The following LSAMP variants were observed in gnomAD, a reference collection of about 807,000 sequenced individuals.
LSAMP encodes limbic system-associated membrane protein.
LSAMP carries 7 observed loss-of-function variants against 38.6 expected under a neutral mutation model. The observed-to-expected ratio is 0.18, with a 90% confidence interval of 0.10 to 0.34. LSAMP has a LOEUF of 0.34. Among genes scored for constraint, LSAMP ranks in the 10% least tolerant of loss-of-function variants. LSAMP has a pLI of 1.00. For missense variants in LSAMP, 313 were observed against 420.0 expected (o/e 0.75, Z 2.23); for synonymous variants, 154 against 166.8 (o/e 0.92, Z 0.59).
intron 1 of LSAMP, among the ~76,000 whole-genome samples, chr3:116,110,904 G>A (rs191744207): frequency 8.8e-4 from 134 of 152,164 alleles, no homozygotes; most frequent in African/African-American, 3.1e-3. Context: ...AAGAGTCAGC[G>A]AAGGGAGGTA....
At chr3:116,012,153 A>G (rs1576306217) in intron 3 of LSAMP, among the ~76,000 whole-genome samples, 1 of 152,148 alleles carries the variant, frequency 6.6e-6, no homozygotes, top group Non-Finnish European at 1.5e-5. Flanking sequence ...ATCTACCCGC[A>G]CTCACTGTGA....
intron 1 of LSAMP, among the ~76,000 whole-genome samples, chr3:116,267,037 A>T (rs541061798): frequency 6.6e-6 from 1 of 152,184 alleles, no homozygotes; most frequent in African/African-American, 2.4e-5. Flanking sequence ...GATAAGATCA[A>T]TGCAGGTATT....
At position 116,197,856 on chromosome 3, in the gene LSAMP, TATA is replaced by T. The variant is rs1489769348; in HGVS notation, c.156-111303_156-111301del. On this transcript the variant is annotated intron_variant, in intron 1 of 6. Transcript: ENST00000490035. ...CAAACACATTTATGGACAACTTTAT[TATA>T]ATAGGATGTATAGTATTGTTTATAT... Among the ~76,000 whole-genome samples, 17 of 152,238 alleles carry T rather than the reference TATA, an allele frequency of 1.1e-4. 1 individual carries two copies. The highest frequency in any genetic ancestry group is 7.2e-4 in the Admixed American group (11 of 15,294).
intron 1 of LSAMP, among the ~76,000 whole-genome samples, chr3:116,326,681 A>G (rs75905419): frequency 0.087 from 13,232 of 152,296 alleles, 676 homozygotes; most frequent in Middle Eastern, 0.15. Flanking sequence ...CTTCATCTGT[A>G]AAATGAGGAA....
intron 1 of LSAMP, among the ~76,000 whole-genome samples, chr3:116,282,719 G>C (rs2047142250): frequency 6.6e-6 from 1 of 151,970 alleles, no homozygotes. Flanking sequence ...TTATCAAATA[G>C]AAGGTTTCCC....
intron 6 of LSAMP, among the ~76,000 whole-genome samples, chr3:115,819,109 C>T (rs540273024): frequency 6.6e-6 from 1 of 150,574 alleles, no homozygotes; most frequent in Non-Finnish European, 1.5e-5. Flanking sequence ...GAGATCAGGC[C>T]CTTGCACTCC....
At chr3:116,100,486 A>T (rs939363254) in intron 1 of LSAMP, among the ~76,000 whole-genome samples, 2 of 152,142 alleles carry the variant, frequency 1.3e-5, no homozygotes, top group East Asian at 3.9e-4. Context: ...TTTTTAGCAC[A>T]CACCACCTTT....
chr3:116,177,470 T>A (rs1470341617), intron 1 of LSAMP, among the ~76,000 whole-genome samples: 1 of 152,024 alleles, frequency 6.6e-6, no homozygotes, highest in South Asian at 2.1e-4. Context: ...ATTCAATAAA[T>A]GCAAAATAGG....
chr3:116,038,210 G>A (rs747059278), intron 2 of LSAMP, among the ~76,000 whole-genome samples: 1 of 152,100 alleles, frequency 6.6e-6, no homozygotes, highest in African/African-American at 2.4e-5. Context: ...CCTGAAGGAT[G>A]GGAAAATTAA....
chr3:116,017,515 G>A (rs1291837178), intron 3 of LSAMP, among the ~76,000 whole-genome samples: 1 of 152,062 alleles, frequency 6.6e-6, no homozygotes, highest in African/African-American at 2.4e-5. Flanking sequence ...TAGCAGAAGT[G>A]TGATCTGAAA....
At chr3:116,047,977 T>C (rs1217166889) in intron 2 of LSAMP, among the ~76,000 whole-genome samples, 3 of 152,252 alleles carry the variant, frequency 2.0e-5, no homozygotes, top group East Asian at 1.9e-4. Context: ...TTTGCATTTC[T>C]GTTCTTCCCT....
At position 115,842,007 on chromosome 3, in the gene LSAMP, A is replaced by T. The variant is rs751593752; in HGVS notation, c.771-14T>A. The T allele has an allele frequency of 3.7e-6, 6 of 1,603,856 alleles. No individual in the cohort carries two copies. In the East Asian group the frequency reaches 8.9e-5, roughly 24 times the overall value. On this transcript the variant is annotated splice_polypyrimidine_tract_variant and intron_variant, in intron 5 of 6. Transcript: ENST00000490035. ...GCACTATTTATCCTAAGAGTTCAAAAACAGAAGAATAGAAAGGATCACTGG... is the reference window on the plus strand; with the variant it reads ...GCACTATTTATCCTAAGAGTTCAAATACAGAAGAATAGAAAGGATCACTGG...
intron 1 of LSAMP, among the ~76,000 whole-genome samples, chr3:116,258,797 C>T (rs1473060489): frequency 6.6e-6 from 1 of 152,100 alleles, no homozygotes; most frequent in African/African-American, 2.4e-5. Context: ...AAAGTGACCT[C>T]TTATGATTCG....
chr3:116,367,879 T>G (rs2048376335), intron 1 of LSAMP: 1 of 152,112 alleles, frequency 6.6e-6, no homozygotes, highest in Admixed American at 6.6e-5. Context: ...ATCCACTGCT[T>G]ACTAACAGGA....
chr3:115,828,816 T>C (rs151277208), intron 6 of LSAMP, among the ~76,000 whole-genome samples: 2 of 152,286 alleles, frequency 1.3e-5, no homozygotes, highest in African/African-American at 4.8e-5. Context: ...GAAGCTTGGA[T>C]TTTTGTTAAA....
intron 1 of LSAMP, among the ~76,000 whole-genome samples, chr3:116,404,721 C>G (rs558035246): frequency 6.6e-6 from 1 of 152,252 alleles, no homozygotes; most frequent in East Asian, 1.9e-4. Flanking sequence ...CAACCTCAGA[C>G]AGATCACATG....
At chr3:116,299,710 C>T (rs2047382097) in intron 1 of LSAMP, among the ~76,000 whole-genome samples, 1 of 152,194 alleles carries the variant, frequency 6.6e-6, no homozygotes, top group South Asian at 2.1e-4. Flanking sequence ...AGATCCCCAA[C>T]TGTGACTAGT....
intron 3 of LSAMP, among the ~76,000 whole-genome samples, chr3:115,983,773 G>T (rs572347395): frequency 6.6e-6 from 1 of 152,108 alleles, no homozygotes; most frequent in African/African-American, 2.4e-5. Flanking sequence ...TGATTAACAC[G>T]ATATGGCTCC....
chr3:116,341,216 G>T (rs1403006208), intron 1 of LSAMP, among the ~76,000 whole-genome samples: 1 of 151,756 alleles, frequency 6.6e-6, no homozygotes, highest in Non-Finnish European at 1.5e-5. Context: ...ATTAACTTAG[G>T]TAATTTAAAC....
Sources: allele counts gnomAD v4.1 joint callset (sites outside exome capture counted in the v4.1 genomes callset), GRCh38; gene constraint gnomAD v4.1.1; transcripts MANE v1.5; gene names NCBI Gene and HGNC (gene_info 2026-07-23, HGNC 2026-07-21).